Variants in KLHL4 observed in about 807,000 individuals in gnomAD.
KLHL4 encodes the protein kelch like family member 4, also known as kelch-like protein 4.
Under a neutral mutation model 45.8 loss-of-function variants are expected in KLHL4, and 17 were observed. The ratio of observed to expected loss-of-function variants is 0.37; its 90% confidence interval spans 0.25 to 0.56. The LOEUF (loss-of-function observed/expected upper bound fraction) is 0.56. Among genes scored for constraint, KLHL4 ranks in the 20% least tolerant of loss-of-function variants. The probability of loss-of-function intolerance (pLI) is 0.79; values close to 1 mark genes in which losing one functional copy is unlikely to be tolerated. For synonymous variants in KLHL4, 224 were observed against 189.9 expected, an observed-to-expected ratio of 1.18 and a Z score of -1.47; for missense variants, 544 against 544.9, an observed-to-expected ratio of 1.00 and a Z score of 0.02.
At chrX:87,588,739 C>T (rs961205330) in intron 1 of KLHL4, among the ~76,000 whole-genome samples, 1 of 109,188 alleles carries the variant, frequency 9.2e-6, no homozygotes, top group Non-Finnish European at 1.9e-5. Flanking sequence ...TTGGTCTGAG[C>T]GAAAATTTCT....
intron 9 of KLHL4, among the ~76,000 whole-genome samples, chrX:87,651,586 C>T (rs1267035434): frequency 8.9e-6 from 1 of 112,442 alleles, no homozygotes; most frequent in Non-Finnish European, 1.9e-5. Flanking sequence ...AGTCCAAAAT[C>T]CAGCAGGGCA....
chrX:87,656,906 G>C (rs1005878015), intron 9 of KLHL4, among the ~76,000 whole-genome samples: 1 of 111,633 alleles, frequency 9.0e-6, no homozygotes, highest in Admixed American at 9.5e-5. Context: ...TTTTGAATAA[G>C]ATCATTCAAG....
chrX:87,554,891 C>T (rs1171014554), intron 1 of KLHL4, among the ~76,000 whole-genome samples: 1 of 104,519 alleles, frequency 9.6e-6, no homozygotes, highest in African/African-American at 3.5e-5. Flanking sequence ...AGATACGTCC[C>T]ATCAATACCT....
At chrX:87,607,576 G>A (rs1922238535) in intron 1 of KLHL4, among the ~76,000 whole-genome samples, 1 of 111,611 alleles carries the variant, frequency 9.0e-6, no homozygotes, top group Non-Finnish European at 1.9e-5. Context: ...AGTTTAGCTT[G>A]CCATGTATTT....
intron 9 of KLHL4, among the ~76,000 whole-genome samples, chrX:87,653,052 T>G (rs895452877): frequency 5.4e-5 from 6 of 111,851 alleles, no homozygotes; most frequent in African/African-American, 2.0e-4. Flanking sequence ...TGAGACTTAT[T>G]CACTACCATG....
intron 1 of KLHL4, among the ~76,000 whole-genome samples, chrX:87,554,749 A>G (rs1343924407): frequency 1.3e-3 from 130 of 103,647 alleles, no homozygotes; most frequent in African/African-American, 4.5e-3. Flanking sequence ...AACTTCCAAC[A>G]CTATGTTGAA....
chrX:87,561,462 T>C, intron 1 of KLHL4, among the ~76,000 whole-genome samples: 1 of 111,705 alleles, frequency 9.0e-6, no homozygotes, highest in South Asian at 3.8e-4. Context: ...TTATACTGGG[T>C]CCATAGAGGG....
intron 9 of KLHL4, among the ~76,000 whole-genome samples, chrX:87,662,998 A>G (rs1378536627): frequency 1.0e-5 from 1 of 100,379 alleles, no homozygotes; most frequent in Non-Finnish European, 2.0e-5. Context: ...CCTCATTTCC[A>G]TGTCTTGAAC....
intron 1 of KLHL4, among the ~76,000 whole-genome samples, chrX:87,589,763 C>T (rs1454712347): frequency 1.8e-5 from 2 of 111,164 alleles, no homozygotes; most frequent in Non-Finnish European, 3.8e-5. Context: ...GGCATGGTGG[C>T]TCACGCCTGT....
At chrX:87,548,113 C>A (rs982286267) in intron 1 of KLHL4, among the ~76,000 whole-genome samples, 2 of 111,088 alleles carry the variant, frequency 1.8e-5, no homozygotes, top group African/African-American at 6.5e-5. Flanking sequence ...CTAAAACCAG[C>A]CAAAGAAACA....
chrX:87,523,684 C>T (rs1377695483), intron 1 of KLHL4, among the ~76,000 whole-genome samples: 3 of 111,555 alleles, frequency 2.7e-5, no homozygotes, highest in East Asian at 2.8e-4. Flanking sequence ...ATGAGAAGGC[C>T]GGCCGTGGTG....
At chrX:87,556,357 T>A (rs1458022555) in intron 1 of KLHL4, among the ~76,000 whole-genome samples, 1 of 109,704 alleles carries the variant, frequency 9.1e-6, no homozygotes, top group African/African-American at 3.3e-5. Flanking sequence ...AAATGATGAG[T>A]TCATGTCCTT....
At position 87,581,639 on chromosome X, in the gene KLHL4, G is replaced by A. The variant is rs4489457; in HGVS notation, c.423-32238G>A. Among the ~76,000 whole-genome samples, 587 of 112,195 alleles carry A rather than the reference G, an allele frequency of 5.2e-3. 3 individuals are homozygous for A. The highest frequency in any genetic ancestry group is 8.2e-3 in the Non-Finnish European group (438 of 53,202). ...ACTGCAGCAGCCCTATGGAAGAGTG[G>A]CCAGATGGTTAAAAGAAAAACAAAG... On this transcript the variant is annotated intron_variant, in intron 1 of 10. Coordinates refer to ENST00000373119, the MANE Select transcript of KLHL4 (RefSeq NM_019117.5).
chrX:87,622,295 AT>A lies in KLHL4; in HGVS notation c.1011del (p.Asn338MetfsTer12). On this transcript the variant is annotated frameshift_variant, in exon 5 of 11. Transcript: ENST00000373119. LOFTEE classifies it high-confidence loss of function. Reference sequence around the variant, plus strand: ...TTCAAAACTTCTGTGCAGTGATGACATTAATGTGCCTGATGAAGAGACCATT... The same window carrying A: ...TTCAAAACTTCTGTGCAGTGATGACATAATGTGCCTGATGAAGAGACCATT... ...EISKLLCSDD[I>X]NVPDEETIFH... is the part of the protein sequence containing the mutation. The A allele has an allele frequency of 8.3e-7, 1 of 1,207,688 alleles. No individual in the cohort carries two copies. Among genetic ancestry groups the A allele is most frequent in the Non-Finnish European group, 1.1e-6 (1 of 891,925 alleles).
At chrX:87,629,544 A>G (rs749039307) in intron 6 of KLHL4, among the ~76,000 whole-genome samples, 2 of 111,425 alleles carry the variant, frequency 1.8e-5, no homozygotes, top group South Asian at 7.5e-4. Flanking sequence ...CTCAGTGTAA[A>G]TCTTCTACAT....
intron 1 of KLHL4, among the ~76,000 whole-genome samples, chrX:87,596,656 CA>C (rs1451960220): frequency 3.6e-5 from 4 of 112,088 alleles, no homozygotes; most frequent in African/African-American, 9.7e-5. Flanking sequence ...AGTATGGATA[CA>C]TTACCAGTTC....
chrX:87,600,698 C>T (rs1921991312), intron 1 of KLHL4, among the ~76,000 whole-genome samples: 1 of 111,189 alleles, frequency 9.0e-6, no homozygotes, highest in Non-Finnish European at 1.9e-5. Context: ...AATTACTCAG[C>T]CTCGGGTATT....
chrX:87,548,102 C>A (rs1415481197), intron 1 of KLHL4, among the ~76,000 whole-genome samples: 1 of 111,140 alleles, frequency 9.0e-6, no homozygotes, highest in Non-Finnish European at 1.9e-5. Context: ...AAGAAAGTAT[C>A]CTAAAACCAG....
chrX:87,616,987 G>C (rs1444493448), intron 3 of KLHL4, among the ~76,000 whole-genome samples: 1 of 111,497 alleles, frequency 9.0e-6, no homozygotes, highest in Non-Finnish European at 1.9e-5. Context: ...GAAAACTTTA[G>C]GGGAATAGTT....
Sources: allele counts gnomAD v4.1 joint callset (sites outside exome capture counted in the v4.1 genomes callset), GRCh38; gene constraint gnomAD v4.1.1; transcripts MANE v1.5; gene names NCBI Gene and HGNC (gene_info 2026-07-23, HGNC 2026-07-21).